Variants in NOL4 observed in about 807,000 individuals in gnomAD.
The protein encoded by NOL4 is cancer/testis antigen 125.
NOL4 carries 17 observed loss-of-function variants against 75.9 expected under a neutral mutation model. The observed-to-expected ratio is 0.22, with a 90% CI of 0.15 to 0.34. The LOEUF (loss-of-function observed/expected upper bound fraction) is 0.34, where lower values mean the gene tolerates loss of function less well. Ranked by LOEUF, NOL4 falls within the 10% of genes least tolerant of loss-of-function variation. NOL4 has a pLI of 1.00. For synonymous variants in NOL4, 292 were observed against 289.9 expected, an observed-to-expected ratio of 1.01 and a Z score of -0.07; for missense variants, 614 against 793.5, an observed-to-expected ratio of 0.77 and a Z score of 2.72.
intron 5 of NOL4, among the ~76,000 whole-genome samples, chr18:34,044,588 CAT>C (rs201788442): frequency 0.012 from 1,806 of 152,122 alleles, 33 homozygotes; most frequent in African/African-American, 0.041. Flanking sequence ...GAGGAAACAA[CAT>C]ATAGAGTAGT....
At chr18:34,134,427 C>G (rs563127809) in intron 1 of NOL4, among the ~76,000 whole-genome samples, 1 of 148,880 alleles carries the variant, frequency 6.7e-6, no homozygotes, top group Non-Finnish European at 1.5e-5. Context: ...CATATATGGA[C>G]CCAATAAGAG....
chr18:34,212,604 T>C (rs2036589539), intron 1 of NOL4, among the ~76,000 whole-genome samples: 1 of 152,184 alleles, frequency 6.6e-6, no homozygotes, highest in African/African-American at 2.4e-5. Flanking sequence ...TCTGCTCAGG[T>C]TCTCATAAAG....
At chr18:34,163,269 G>C (rs1236373910) in intron 1 of NOL4, among the ~76,000 whole-genome samples, 1 of 151,864 alleles carries the variant, frequency 6.6e-6, no homozygotes, top group Non-Finnish European at 1.5e-5. Flanking sequence ...GGAAATAAAG[G>C]GTATTCAATT....
intron 6 of NOL4, among the ~76,000 whole-genome samples, chr18:33,993,713 A>G (rs1224096651): frequency 6.6e-6 from 1 of 151,890 alleles, no homozygotes; most frequent in Non-Finnish European, 1.5e-5. Context: ...GCGATGATTA[A>G]AGATGTAAAG....
intron 1 of NOL4, among the ~76,000 whole-genome samples, chr18:34,201,997 A>G (rs569548121): frequency 6.6e-6 from 1 of 151,922 alleles, no homozygotes; most frequent in East Asian, 1.9e-4. Flanking sequence ...TATTATCAGC[A>G]AATATATTTG....
At chr18:34,058,616 T>C (rs972210866) in intron 5 of NOL4, among the ~76,000 whole-genome samples, 3 of 152,176 alleles carry the variant, frequency 2.0e-5, no homozygotes, top group Admixed American at 2.0e-4. Flanking sequence ...CAAGCACCTG[T>C]CATATTCCAT....
intron 10 of NOL4, among the ~76,000 whole-genome samples, chr18:33,868,772 C>T (rs2063554712): frequency 6.6e-6 from 1 of 151,470 alleles, no homozygotes; most frequent in African/African-American, 2.4e-5. Context: ...ATAACAGAAA[C>T]ACTGATGCCT....
chr18:34,174,333 T>C (rs2033334951), intron 1 of NOL4, among the ~76,000 whole-genome samples: 1 of 152,110 alleles, frequency 6.6e-6, no homozygotes, highest in Admixed American at 6.6e-5. Flanking sequence ...TGGCAAACAC[T>C]GTCAAAATCA....
chr18:34,016,953 A>G (rs1245999951), intron 6 of NOL4, among the ~76,000 whole-genome samples: 3 of 152,108 alleles, frequency 2.0e-5, no homozygotes, highest in African/African-American at 4.8e-5. Context: ...TTCTTCCTCA[A>G]TGCCATGAGG....
intron 1 of NOL4, among the ~76,000 whole-genome samples, chr18:34,164,149 C>G (rs1034297413): frequency 6.6e-6 from 1 of 152,084 alleles, no homozygotes; most frequent in Non-Finnish European, 1.5e-5. Flanking sequence ...TAGAAGAAAA[C>G]CTAGGCATTA....
At chr18:33,860,239 T>A (rs1003408503) in intron 10 of NOL4, among the ~76,000 whole-genome samples, 2 of 152,082 alleles carry the variant, frequency 1.3e-5, no homozygotes, top group African/African-American at 4.8e-5. Context: ...AATTACAATT[T>A]GAGAGGAGAT....
chr18:34,191,258 TTTCCATTG>T (rs1260235916), intron 1 of NOL4, among the ~76,000 whole-genome samples: 1 of 152,152 alleles, frequency 6.6e-6, no homozygotes, highest in African/African-American at 2.4e-5. Flanking sequence ...ACTCTCTTCA[TTTCCATTG>T]TTCTAAATGT....
At chr18:34,110,209 T>C (rs537182298) in intron 2 of NOL4, among the ~76,000 whole-genome samples, 1 of 146,418 alleles carries the variant, frequency 6.8e-6, no homozygotes, top group African/African-American at 2.5e-5. Context: ...AGCATTACCT[T>C]GATACCAAAG....
At position 33,902,574 on chromosome 18, in the gene NOL4, T is replaced by G. The variant is rs998151790; in HGVS notation, c.1543-19150A>C. On this transcript the variant is annotated intron_variant, in intron 9 of 10. Coordinates refer to ENST00000261592, the MANE Select transcript of NOL4 (RefSeq NM_003787.5). Reference sequence around the variant, plus strand: ...TTCCATGTAACCCAAGAACTTCCCATGCAGTCACTAAGAGTCATGCATTTC... The same window carrying G: ...TTCCATGTAACCCAAGAACTTCCCAGGCAGTCACTAAGAGTCATGCATTTC... Among the ~76,000 whole-genome samples, 17 of 152,268 alleles carry G rather than the reference T, an allele frequency of 1.1e-4. No individual in the cohort carries two copies. The South Asian group carries it at 3.5e-3, about 32-fold the overall frequency.
At chr18:34,190,525 T>C (rs1238810825) in intron 1 of NOL4, among the ~76,000 whole-genome samples, 2 of 151,898 alleles carry the variant, frequency 1.3e-5, no homozygotes, top group Non-Finnish European at 1.5e-5. Context: ...AGAATCCCAG[T>C]CACCAAAAAT....
intron 1 of NOL4, among the ~76,000 whole-genome samples, chr18:34,163,868 G>C (rs1052003608): frequency 1.3e-5 from 2 of 152,128 alleles, no homozygotes; most frequent in South Asian, 2.1e-4. Flanking sequence ...AACCCAAACA[G>C]CATGGTACTG....
At chr18:34,082,945 C>T (rs2078076978) in intron 5 of NOL4, among the ~76,000 whole-genome samples, 1 of 152,080 alleles carries the variant, frequency 6.6e-6, no homozygotes, top group South Asian at 2.1e-4. Context: ...TGTATATGAA[C>T]ATTTAAGGTT....
chr18:34,168,365 T>A (rs980639519), intron 1 of NOL4, among the ~76,000 whole-genome samples: 1 of 151,600 alleles, frequency 6.6e-6, no homozygotes, highest in Non-Finnish European at 1.5e-5. Flanking sequence ...ATAAATAAAT[T>A]TTTTTTAGCC....
intron 8 of NOL4, among the ~76,000 whole-genome samples, chr18:33,945,466 A>C (rs879376568): frequency 6.6e-6 from 1 of 151,732 alleles, no homozygotes; most frequent in African/African-American, 2.4e-5. Context: ...TTTAAAAACA[A>C]CTTTTACTAC....
Sources: gnomAD v4.1 joint callset for allele counts (sites outside exome capture counted in the v4.1 genomes callset) on GRCh38, gnomAD v4.1.1 for gene constraint, MANE v1.5 for transcripts, NCBI Gene and HGNC (gene_info 2026-07-23, HGNC 2026-07-21) for gene names.